The following WDR33 variants were observed in gnomAD, a reference collection of about 807,000 sequenced individuals.
WDR33 encodes WD repeat domain 33, also known as pre-mRNA 3' end processing protein WDR33.
WDR33 carries 47 observed loss-of-function variants against 164.9 expected under a neutral mutation model. The ratio of observed to expected loss-of-function variants is 0.29; its 90% CI spans 0.23 to 0.36. The LOEUF is 0.36. WDR33 is among the 10% of genes least tolerant of loss of function. The pLI is 1.00. For missense variants in WDR33, 1,137 were observed against 1,754.1 expected (o/e 0.65, Z 6.28); for synonymous variants, 505 against 589.0 (o/e 0.86, Z 2.06).
chr2:127,720,465 C>A lies in WDR33; in HGVS notation c.1672-112G>T. 1 of 1,299,986 alleles carries A rather than the reference C, an allele frequency of 7.7e-7. No individual in the cohort carries two copies. The allele number at this position is 1,299,986 out of a possible 1,614,324, so 80.5% of individuals were successfully genotyped here. ...GGGACTCTCAAACATAAAAACTGCT[C>A]AAACTCTTCACGCTCCAGTGGTAAT... On this transcript the variant is annotated intron_variant, in intron 15 of 21. Transcript: ENST00000322313. The surrounding 1 kb of genome is among the most constrained non-coding windows in gnomAD (Gnocchi z 5.9).
At chr2:127,711,780 A>ATTTTTTTTTTTT (rs1158780905) in intron 18 of WDR33, among the ~76,000 whole-genome samples, 10 of 88,298 alleles carry the variant, frequency 1.1e-4, no homozygotes, top group East Asian at 2.9e-4. Flanking sequence ...ATATATATAT[A>ATTTTTTTTTTTT]TTTTTTTTTT....
rs1687760257 is a variant in WDR33, at chr2:127,764,338, G to A, written c.626+490C>T. 7.3e-7 allele frequency: 1 copy of A among 1,372,004 alleles called. No individual in the cohort carries two copies. Among genetic ancestry groups the A allele is most frequent in the Non-Finnish European group, 9.4e-7 (1 of 1,063,026 alleles). The allele number at this position is 1,372,004 out of a possible 1,614,324, so 85.0% of individuals were successfully genotyped here. A position where few individuals can be genotyped will look rare whatever the true frequency, so the allele number is the denominator to read the frequency against. ...GTTTGCCACATCCAGTTATCTGTGAGGGTTTTAGTCCTATACTTTCCTTTG... is the reference window on the plus strand; with the variant it reads ...GTTTGCCACATCCAGTTATCTGTGAAGGTTTTAGTCCTATACTTTCCTTTG... On this transcript the variant is annotated intron_variant, in intron 6 of 21. Transcript: ENST00000322313. This position sits in a 1 kb window ranked among gnomAD's most constrained non-coding sequence, Gnocchi z 6.2.
rs555490812 is a variant in WDR33 at position 127,742,626 on chromosome 2, C to T, written c.725-15849G>A. Among the ~76,000 whole-genome samples, 164 of 150,060 alleles carry T rather than the reference C, an allele frequency of 1.1e-3. 1 individual carries two copies. The highest frequency in any genetic ancestry group is 3.5e-3 in the African/African-American group (143 of 40,840). Reference sequence around the variant, plus strand: ...AGTATTCCAGGAGACAAACAGAAATCTCCCAATACTTAGAGAAAGGGCAGG... The same window carrying T: ...AGTATTCCAGGAGACAAACAGAAATTTCCCAATACTTAGAGAAAGGGCAGG... On this transcript the variant is annotated intron_variant, in intron 7 of 21. Transcript: ENST00000322313.
In WDR33 at chr2:127,798,605, T is replaced by C. The variant is rs138455613; in HGVS notation, c.-24+12407A>G. ...AGACCTAAAAGCCTAACCAGTTAAC[T>C]AGTTCCTCAGTATATCTGGAATTTA... On this transcript the variant is annotated intron_variant, in intron 1 of 21. Transcript: ENST00000322313. Among the ~76,000 whole-genome samples, 33 of 152,184 alleles carry C rather than the reference T, an allele frequency of 2.2e-4. No individual in the cohort carries two copies. In the East Asian group the frequency reaches 6.2e-3, roughly 28 times the overall value.
Position 127,722,818 on chromosome 2 carries a change from T to G in WDR33, c.1379-88A>C. On this transcript the variant is annotated intron_variant, in intron 13 of 21. Transcript: ENST00000322313. The surrounding 1 kb of genome is among the most constrained non-coding windows in gnomAD (Gnocchi z 5.1). ...AACACATTATTGGAAGAATAGATTT[T>G]AAGTATTATGTCATTTATATAATTT... 6.8e-7 allele frequency: 1 copy of G among 1,464,796 alleles called. No individual in the cohort carries two copies. The highest frequency in any genetic ancestry group is 1.3e-5 in the South Asian group (1 of 76,760). 90.7% of individuals were successfully genotyped at this position (1,464,796 alleles called of 1,614,324 possible).
intron 1 of WDR33, among the ~76,000 whole-genome samples, chr2:127,796,971 T>C (rs1235705438): frequency 1.3e-5 from 2 of 152,024 alleles, no homozygotes; most frequent in Non-Finnish European, 2.9e-5. Flanking sequence ...CGAATTTACC[T>C]ACTTGCTAAA....
At chr2:127,739,720 A>T (rs968233370) in intron 7 of WDR33, among the ~76,000 whole-genome samples, 1 of 152,232 alleles carries the variant, frequency 6.6e-6, no homozygotes, top group Non-Finnish European at 1.5e-5. Flanking sequence ...TTTCATTGTG[A>T]TCCAATCTCT....
At chr2:127,777,303 T>C (rs574078456) in intron 1 of WDR33, among the ~76,000 whole-genome samples, 1 of 152,334 alleles carries the variant, frequency 6.6e-6, no homozygotes, top group Admixed American at 6.5e-5. Context: ...ATTCACTAAA[T>C]ATCACTCCTA....
chr2:127,714,210 G>A lies in WDR33; in HGVS notation c.2870-189C>T, dbSNP rs1393210062. The stretch of plus-strand genomic sequence containing the variant: ...AATAGAACAGGAGCTTTGGGGTGCA[G>A]ATTTCAACTTCATCACCCACTAGCT... On this transcript the variant is annotated intron_variant, in intron 17 of 21. Transcript: ENST00000322313. The surrounding 1 kb of genome is among the most constrained non-coding windows in gnomAD (Gnocchi z 4.3). 6.6e-6 allele frequency among the ~76,000 whole-genome samples: 1 copy of A among 152,208 alleles called. No individual in the cohort carries two copies. Among genetic ancestry groups the A allele is most frequent in the Non-Finnish European group, 1.5e-5 (1 of 68,036 alleles).
At chr2:127,771,942 G>C (rs571555980) in intron 1 of WDR33, among the ~76,000 whole-genome samples, 3 of 152,142 alleles carry the variant, frequency 2.0e-5, no homozygotes, top group Non-Finnish European at 4.4e-5. Flanking sequence ...GGATGGGTAC[G>C]TGTTTATGCT....
In WDR33 at chr2:127,720,348, A is replaced by G; in HGVS notation, c.1677T>C (p.Leu559=). The G allele has an allele frequency of 1.3e-6, 2 of 1,502,116 alleles. No individual in the cohort carries two copies. The highest frequency in any genetic ancestry group is 1.8e-6 in the Non-Finnish European group (2 of 1,126,318). The allele number at this position is 1,502,116 out of a possible 1,614,324, so 93.0% of individuals were successfully genotyped here. ...GTTTCTGTGCAAGTCTTTCAATTTTAAGTTGCTGGAAAGAAAGAAAGAAAA... is the reference window on the plus strand; with the variant it reads ...GTTTCTGTGCAAGTCTTTCAATTTTGAGTTGCTGGAAAGAAAGAAAGAAAA... ...QYTNPQLLEQ[L]KIERLAQKQV... The change falls in exon 16 of 22, where the codon CTT becomes CTC. Residue 559 remains leucine (L), a synonymous_variant. Transcript: ENST00000322313. This position sits in a 1 kb window ranked among gnomAD's most constrained non-coding sequence, Gnocchi z 5.9.
intron 7 of WDR33, among the ~76,000 whole-genome samples, chr2:127,733,455 G>A (rs1278620792): frequency 6.6e-6 from 1 of 152,180 alleles, no homozygotes; most frequent in Non-Finnish European, 1.5e-5. Flanking sequence ...CATTCCAGTT[G>A]TAGATCACTA....
chr2:127,796,892 C>T lies in WDR33; in HGVS notation c.-24+14120G>A, dbSNP rs559426152. On this transcript the variant is annotated intron_variant, in intron 1 of 21. Transcript: ENST00000322313. ...GAGTTAACAACAAAAAATAATTAACCGGAAAAACTGTCTGTTTCCCCAAGG... is the reference window on the plus strand; with the variant it reads ...GAGTTAACAACAAAAAATAATTAACTGGAAAAACTGTCTGTTTCCCCAAGG... Among the ~76,000 whole-genome samples the T allele has an allele frequency of 3.9e-5, 6 of 152,050 alleles. No homozygotes were observed. In the South Asian group the frequency reaches 6.2e-4, roughly 16 times the overall value.
chr2:127,711,768 A>T (rs866761383), intron 18 of WDR33, among the ~76,000 whole-genome samples: 703 of 70,196 alleles, frequency 0.01, 40 homozygotes, highest in African/African-American at 0.059. Flanking sequence ...ATATATATAT[A>T]TATATATATA....
At chr2:127,795,549 G>C (rs1303429662) in intron 1 of WDR33, among the ~76,000 whole-genome samples, 1 of 151,236 alleles carries the variant, frequency 6.6e-6, no homozygotes, top group African/African-American at 2.4e-5. Context: ...ATGTACTCCA[G>C]TTTAAAGAAA....
At chr2:127,733,867 C>A (rs1686771735) in intron 7 of WDR33, among the ~76,000 whole-genome samples, 1 of 152,144 alleles carries the variant, frequency 6.6e-6, no homozygotes, top group African/African-American at 2.4e-5. Context: ...TTGAGAAGAC[C>A]TGCAGAACTA....
rs77682798 is a variant in WDR33 at position 127,809,357 on chromosome 2, G to A, written c.-24+1655C>T. ...TCACCAACCAAAGAAAATTATCCAA[G>A]TTAAGCCATCAGCTTCACAGATAAA... On this transcript the variant is annotated intron_variant, in intron 1 of 21. Transcript: ENST00000322313. 1.5e-3 allele frequency among the ~76,000 whole-genome samples: 215 copies of A among 147,972 alleles called. 3 individuals carry two copies. Among genetic ancestry groups the A allele is most frequent in the Admixed American group, 0.012 (178 of 14,810 alleles).
intron 1 of WDR33, among the ~76,000 whole-genome samples, chr2:127,781,496 C>T (rs1688366907): frequency 6.6e-6 from 1 of 152,108 alleles, no homozygotes; most frequent in Non-Finnish European, 1.5e-5. Flanking sequence ...ATCTGCAGAC[C>T]ATATCACTAT....
At chr2:127,788,761 C>T (rs1348546449) in intron 1 of WDR33, among the ~76,000 whole-genome samples, 1,256 of 140,342 alleles carry the variant, frequency 8.9e-3, no homozygotes, top group African/African-American at 0.035. Context: ...GACCCCCCAC[C>T]TCCCTCCCAG....
Sources: gnomAD v4.1 joint callset for allele counts (sites outside exome capture counted in the v4.1 genomes callset) on GRCh38, gnomAD v4.1.1 for gene constraint, Gnocchi (gnomAD v3.1) non-coding constraint, MANE v1.5 for transcripts, NCBI Gene and HGNC (gene_info 2026-07-23, HGNC 2026-07-21) for gene names.